The following CTNNA2 variants were observed in gnomAD, a reference collection of about 807,000 sequenced individuals.
CTNNA2 encodes the protein catenin alpha 2.
In CTNNA2, 42 loss-of-function variants were observed where a neutral mutation model predicts 101.0. The observed-to-expected ratio is 0.42, with a 90% confidence interval of 0.32 to 0.54. The LOEUF is 0.54. Among genes scored for constraint, CTNNA2 ranks in the 20% least tolerant of loss-of-function variants. CTNNA2 has a pLI of 0.14. For synonymous variants in CTNNA2, 450 were observed against 456.4 expected (o/e 0.99, Z 0.18); for missense variants, 871 against 1,223.1 (o/e 0.71, Z 4.29).
Position 80,073,618 on chromosome 2 carries a change from G to A in CTNNA2, c.1056+163821G>A, listed in dbSNP as rs564176633. On this transcript the variant is annotated intron_variant, in intron 7 of 18. Coordinates refer to ENST00000402739, the MANE Select transcript of CTNNA2 (RefSeq NM_001282597.3). ...GTGTAAAAATTTGAGATTGATGCCAGCAGGCTTTTGGGCTAATGGGTCTCA... is the reference window on the plus strand; with the variant it reads ...GTGTAAAAATTTGAGATTGATGCCAACAGGCTTTTGGGCTAATGGGTCTCA... Among the ~76,000 whole-genome samples, 412 of 152,098 alleles carry A rather than the reference G, an allele frequency of 2.7e-3. 1 individual carries two copies. Among genetic ancestry groups the A allele is most frequent in the African/African-American group, 9.6e-3 (400 of 41,476 alleles).
At chr2:80,098,690 C>G (rs1415222584) in intron 7 of CTNNA2, among the ~76,000 whole-genome samples, 2 of 152,222 alleles carry the variant, frequency 1.3e-5, no homozygotes, top group Non-Finnish European at 2.9e-5. Flanking sequence ...TTTACCTACT[C>G]AAGCCTCGGA....
At chr2:80,588,997 A>G (rs113248638) in intron 14 of CTNNA2, among the ~76,000 whole-genome samples, 1 of 152,180 alleles carries the variant, frequency 6.6e-6, no homozygotes, top group African/African-American at 2.4e-5. Flanking sequence ...AAAAATTGTC[A>G]AGAATAGCTT....
chr2:79,639,517 CTG>C (rs1304104555), intron 1 of CTNNA2, among the ~76,000 whole-genome samples: 17 of 152,042 alleles, frequency 1.1e-4, no homozygotes, highest in East Asian at 7.7e-4. Context: ...TTTGAAAACA[CTG>C]TAATTAAATT....
At chr2:79,216,408 A>T (rs1289143888) in intron 2 of CTNNA2, among the ~76,000 whole-genome samples, 1 of 151,630 alleles carries the variant, frequency 6.6e-6, no homozygotes, top group African/African-American at 2.4e-5. Context: ...GGGTGCGGAA[A>T]TAAAGGGTTG....
intron 7 of CTNNA2, among the ~76,000 whole-genome samples, chr2:80,276,775 G>A (rs968216706): frequency 1.3e-5 from 2 of 152,038 alleles, no homozygotes; most frequent in Non-Finnish European, 2.9e-5. Flanking sequence ...CATGAGAATG[G>A]CACCAACCCA....
intron 7 of CTNNA2, among the ~76,000 whole-genome samples, chr2:80,224,279 A>G (rs1213893852): frequency 1.3e-5 from 2 of 152,140 alleles, no homozygotes; most frequent in African/African-American, 4.8e-5. Context: ...CTTCTCTTTT[A>G]TAATTAATGA....
rs541942179 is a variant in CTNNA2, at chr2:79,529,587, C to A, written c.-6+16380C>A. Among the ~76,000 whole-genome samples, 18 of 151,970 alleles carry A rather than the reference C, an allele frequency of 1.2e-4. 1 individual carries two copies. The South Asian group carries it at 3.5e-3, about 30-fold the overall frequency. On this transcript the variant is annotated intron_variant, in intron 1 of 18. Transcript: ENST00000402739. ...TATGGGATCTGCATCTCAGGAATAC[C>A]ACTGCTTAAGTGACAAATAATGAGA...
intron 1 of CTNNA2, among the ~76,000 whole-genome samples, chr2:79,556,332 A>G (rs1290428523): frequency 1.3e-5 from 2 of 152,022 alleles, no homozygotes; most frequent in Admixed American, 1.3e-4. Context: ...ATGTAAATTT[A>G]TCTGGTTCAT....
At position 80,237,329 on chromosome 2, in the gene CTNNA2, A is replaced by G. The variant is rs116431021; in HGVS notation, c.1057-155882A>G. Among the ~76,000 whole-genome samples the G allele has an allele frequency of 6.2e-3, 940 of 152,304 alleles. 14 individuals are homozygous for G. The highest frequency in any genetic ancestry group is 0.021 in the African/African-American group (887 of 41,574). ...AAATACATACAGTACCCAAATTACA[A>G]TGGTTCAATGCATGATATTTTGACT... On this transcript the variant is annotated intron_variant, in intron 7 of 18. Transcript: ENST00000402739.
intron 9 of CTNNA2, among the ~76,000 whole-genome samples, chr2:80,526,186 G>A (rs1690014527): frequency 6.6e-6 from 1 of 152,014 alleles, no homozygotes; most frequent in South Asian, 2.1e-4. Context: ...GAACTTCTCT[G>A]TGCCTCGATT....
chr2:80,450,934 T>G (rs1683449703), intron 9 of CTNNA2, among the ~76,000 whole-genome samples: 1 of 152,096 alleles, frequency 6.6e-6, no homozygotes, highest in Non-Finnish European at 1.5e-5. Context: ...CTGTTTGTCT[T>G]AACCAAGTCT....
chr2:79,966,242 A>G (rs1394051170), intron 7 of CTNNA2, among the ~76,000 whole-genome samples: 1 of 151,886 alleles, frequency 6.6e-6, no homozygotes, highest in Admixed American at 6.6e-5. Flanking sequence ...GTGTGACTAG[A>G]ATCTTTTTTG....
At chr2:80,617,180 C>T (rs574563724) in intron 17 of CTNNA2, among the ~76,000 whole-genome samples, 3 of 151,584 alleles carry the variant, frequency 2.0e-5, no homozygotes, top group South Asian at 2.1e-4. Flanking sequence ...TGAGATGATC[C>T]AAGTAAGTTT....
chr2:79,613,243 C>G (rs1678402640), intron 1 of CTNNA2, among the ~76,000 whole-genome samples: 1 of 151,368 alleles, frequency 6.6e-6, no homozygotes, highest in Non-Finnish European at 1.5e-5. Flanking sequence ...AGTGAAGCTT[C>G]AACCTCAGGA....
At chr2:80,028,201 T>C (rs913325957) in intron 7 of CTNNA2, 1 of 152,104 alleles carries the variant, frequency 6.6e-6, no homozygotes, top group Non-Finnish European at 1.5e-5. Flanking sequence ...CTTTCTGCTT[T>C]CCCTCCAGCT....
chr2:79,979,033 C>G (rs901176430), intron 7 of CTNNA2, among the ~76,000 whole-genome samples: 3 of 152,016 alleles, frequency 2.0e-5, no homozygotes, highest in African/African-American at 7.2e-5. Context: ...ACCTGCTCAC[C>G]TGTTGATTAT....
chr2:80,018,246 G>A (rs1262123006), intron 7 of CTNNA2, among the ~76,000 whole-genome samples: 1 of 152,122 alleles, frequency 6.6e-6, no homozygotes. Context: ...TCAAAAAGCT[G>A]TGAGAATTGG....
At chr2:80,084,476 C>A (rs62141425) in intron 7 of CTNNA2, among the ~76,000 whole-genome samples, 6,805 of 152,078 alleles carry the variant, frequency 0.045, 184 homozygotes, top group Non-Finnish European at 0.06. Context: ...CAACCCATTG[C>A]CCTTGGCTCA....
chr2:80,612,279 T>C (rs1181462543), intron 17 of CTNNA2, among the ~76,000 whole-genome samples: 1 of 151,542 alleles, frequency 6.6e-6, no homozygotes, highest in African/African-American at 2.4e-5. Context: ...ACGTTTCACA[T>C]TATTTTAAAA....
Sources: gnomAD v4.1 joint callset for allele counts (sites outside exome capture counted in the v4.1 genomes callset) on GRCh38, gnomAD v4.1.1 for gene constraint, MANE v1.5 for transcripts, NCBI Gene and HGNC (gene_info 2026-07-23, HGNC 2026-07-21) for gene names.